Variants in WAPL observed in about 807,000 individuals in gnomAD.
WAPL encodes the protein WAPL cohesin release factor, also known as wings apart-like protein homolog.
WAPL carries 5 observed loss-of-function variants against 121.0 expected under a neutral mutation model. The observed-to-expected ratio is 0.04, with a 90% CI of 0.02 to 0.09. The LOEUF is 0.09. WAPL is among the 10% of genes least tolerant of loss of function. WAPL has a pLI of 1.00. For missense variants in WAPL, 999 were observed against 1,410.8 expected, an observed-to-expected ratio of 0.71 and a Z score of 4.68; for synonymous variants, 480 against 481.5, an observed-to-expected ratio of 1.00 and a Z score of 0.04.
intron 9 of WAPL, among the ~76,000 whole-genome samples, chr10:86,463,165 C>A (rs574390922): frequency 1.3e-5 from 2 of 152,348 alleles, no homozygotes; most frequent in African/African-American, 4.8e-5. Flanking sequence ...ATGGCTCACA[C>A]CTGTAATCCT....
At position 86,435,295 on chromosome 10, in the gene WAPL, T is replaced by C. The variant is rs1210986615; in HGVS notation, c.*2248A>G. On this transcript the variant is annotated 3_prime_UTR_variant, in exon 19 of 19. Coordinates refer to ENST00000298767, the MANE Select transcript of WAPL (RefSeq NM_015045.5). ...CAATTTTATTTGAGTTAAAATTATT[T>C]ACAAAAACCCAAAGACATACTTCAT... 1 of 152,654 alleles carries C rather than the reference T, an allele frequency of 6.6e-6. No homozygotes were observed. Among genetic ancestry groups the C allele is most frequent in the Non-Finnish European group, 1.5e-5 (1 of 68,028 alleles). 9.5% of individuals were successfully genotyped at this position (152,654 alleles called of 1,614,324 possible).
At chr10:86,441,148 A>G (rs1849461333) in intron 17 of WAPL, among the ~76,000 whole-genome samples, 1 of 152,120 alleles carries the variant, frequency 6.6e-6, no homozygotes, top group Admixed American at 6.5e-5. Flanking sequence ...TCTGCCTTCC[A>G]TTTCAAAATC....
In WAPL at chr10:86,500,494, T is replaced by A. The variant is rs755983854; in HGVS notation, c.749A>T (p.Asp250Val). ...ATCACTATCCAAACTTAAAATACAG[T>A]CTTCTGATCTGATATCTTCAAAATC... ...DNDFEDIRSE[D>V]CILSLDSDPL... is the part of the protein sequence containing the mutation. The change falls in exon 3 of 19, where the codon GAC becomes GTC. Residue 250 changes from aspartate (D) to valine (V), a missense_variant. Coordinates refer to ENST00000298767, the MANE Select transcript of WAPL (RefSeq NM_015045.5). 5.0e-6 allele frequency: 8 copies of A among 1,614,178 alleles called. No individual in the cohort carries two copies. Among genetic ancestry groups the A allele is most frequent in the Non-Finnish European group, 6.8e-6 (8 of 1,180,022 alleles).
At chr10:86,464,112 A>G (rs1841347307) in intron 9 of WAPL, among the ~76,000 whole-genome samples, 1 of 152,252 alleles carries the variant, frequency 6.6e-6, no homozygotes, top group Admixed American at 6.5e-5. Flanking sequence ...TATATTCAAG[A>G]AATTAAGCAA....
chr10:86,450,880 A>G (rs1840962148), intron 15 of WAPL, among the ~76,000 whole-genome samples: 2 of 152,222 alleles, frequency 1.3e-5, no homozygotes, highest in Admixed American at 6.5e-5. Context: ...CATAATAGAG[A>G]ACAAAAGAGG....
At chr10:86,456,533 T>C in intron 12 of WAPL, among the ~76,000 whole-genome samples, 1 of 152,056 alleles carries the variant, frequency 6.6e-6, no homozygotes, top group Non-Finnish European at 1.5e-5. Context: ...TTAATACAAA[T>C]CAAGTAAGCT....
Position 86,499,737 on chromosome 10 carries a change from C to T in WAPL, c.1506G>A (p.Gln502=). 1 of 1,584,020 alleles carries T rather than the reference C, an allele frequency of 6.3e-7. No homozygotes were observed. Among genetic ancestry groups the T allele is most frequent in the Non-Finnish European group, 8.5e-7 (1 of 1,170,500 alleles). ...TCTTACCTGCATTGTTAGTACCAGA[C>T]TGACTGTCCTGGGAATTATCATTGC... The part of the protein sequence containing the change: ...PESNDNSQDS[Q]SGTNNAENLD... Residue 502 remains glutamine (Q), a synonymous_variant, in exon 3 of 19, where the codon CAG becomes CAA. Transcript: ENST00000298767.
chr10:86,439,400 G>A (rs1896512), intron 17 of WAPL, among the ~76,000 whole-genome samples: 146,444 of 152,296 alleles, frequency 0.96, 70,557 homozygotes, highest in East Asian at 1. Flanking sequence ...AGAAAAGTAC[G>A]CCTCTGTAAT....
chr10:86,469,491 C>CA lies in WAPL; in HGVS notation c.2142+1500dup, dbSNP rs140010639. 5.4e-3 allele frequency among the ~76,000 whole-genome samples: 814 copies of CA among 151,934 alleles called. 7 individuals are homozygous for CA. The highest frequency in any genetic ancestry group is 0.019 in the African/African-American group (776 of 41,416). On this transcript the variant is annotated intron_variant, in intron 8 of 18. Coordinates refer to ENST00000298767, the MANE Select transcript of WAPL (RefSeq NM_015045.5). ...CTGGTCTCGAACTCCTAAACTCAGG[C>CA]AATCTGCCCACCTCAGCCTCCCAAA...
intron 10 of WAPL, 118 bp downstream of exon 10, chr10:86,461,058 A>C: frequency 1.2e-6 from 1 of 850,050 alleles, no homozygotes; most frequent in Non-Finnish European, 1.7e-6. Context: ...CAACTAAAAA[A>C]TAATAATGAT....
At chr10:86,518,269 C>A (rs1564593072) in intron 1 of WAPL, among the ~76,000 whole-genome samples, 178 bp from the exon 2 acceptor site, 1 of 152,148 alleles carries the variant, frequency 6.6e-6, no homozygotes, top group African/African-American at 2.4e-5. Flanking sequence ...ACCCTACATG[C>A]TTCCATGTCA....
chr10:86,517,686 G>T lies in WAPL; in HGVS notation c.384C>A (p.Val128=). The T allele has an allele frequency of 1.2e-6, 2 of 1,614,036 alleles. 1 individual carries two copies. The highest frequency in any genetic ancestry group is 2.2e-5 in the South Asian group (2 of 91,072). The change falls in exon 2 of 19, where the codon GTC becomes GTA. Residue 128 remains valine, a synonymous_variant. Coordinates refer to ENST00000298767, the MANE Select transcript of WAPL (RefSeq NM_015045.5). The part of the protein sequence containing the change: ...KISHVVVEDT[V]VSDKCFPLED... ...CCAAAGGGAAGCATTTATCAGAAAC[G>T]ACAGTGTCTTCAACGACCACATGAC... is the stretch of plus-strand genomic sequence containing the variant.
intron 4 of WAPL, among the ~76,000 whole-genome samples, chr10:86,495,613 C>A (rs1842134347): frequency 6.6e-6 from 1 of 152,168 alleles, no homozygotes; most frequent in African/African-American, 2.4e-5. Flanking sequence ...AACACTGGAT[C>A]TGGCAACAAT....
At chr10:86,494,307 G>GA (rs1842108341) in intron 4 of WAPL, among the ~76,000 whole-genome samples, 1 of 152,176 alleles carries the variant, frequency 6.6e-6, no homozygotes, top group African/African-American at 2.4e-5. Flanking sequence ...GTTGTATGGA[G>GA]AAAAAACCAC....
At chr10:86,467,784 C>G (rs1279339586) in intron 8 of WAPL, among the ~76,000 whole-genome samples, 1 of 150,850 alleles carries the variant, frequency 6.6e-6, no homozygotes, top group Middle Eastern at 3.2e-3. Context: ...TCAAGCGATT[C>G]TCCTGCCTCA....
chr10:86,473,607 T>C (rs527385896), intron 5 of WAPL, among the ~76,000 whole-genome samples: 1 of 152,312 alleles, frequency 6.6e-6, no homozygotes, highest in African/African-American at 2.4e-5. Flanking sequence ...CTAAATACTA[T>C]AAATTCCATG....
At chr10:86,508,130 T>C (rs778811468) in intron 2 of WAPL, among the ~76,000 whole-genome samples, 2 of 152,198 alleles carry the variant, frequency 1.3e-5, no homozygotes, top group Non-Finnish European at 2.9e-5. Context: ...GCCTCAATAA[T>C]GTCCAGAAAT....
intron 2 of WAPL, among the ~76,000 whole-genome samples, chr10:86,503,197 C>T (rs1417768464): frequency 2.7e-5 from 4 of 150,686 alleles, no homozygotes; most frequent in African/African-American, 4.9e-5. Context: ...TGGCTGGGCG[C>T]GGGGGCTCAC....
In WAPL at chr10:86,453,127, T is replaced by C. The variant is rs921514018; in HGVS notation, c.2949+93A>G. 1.9e-5 allele frequency: 16 copies of C among 832,380 alleles called. No homozygotes were observed. In the African/African-American group the frequency reaches 2.1e-4, roughly 11 times the overall value. 51.6% of individuals were successfully genotyped at this position (832,380 alleles called of 1,614,324 possible). A position where few individuals can be genotyped will look rare whatever the true frequency, so the allele number is the denominator to read the frequency against. On this transcript the variant is annotated intron_variant, in intron 14 of 18. Coordinates refer to ENST00000298767, the MANE Select transcript of WAPL (RefSeq NM_015045.5). ...TCATGAAAAAAAACCCACAATATAT[T>C]AAAGGGTTGGTTCTTAAACCCAAAC... is the stretch of plus-strand genomic sequence containing the variant.
Sources: allele counts gnomAD v4.1 joint callset (sites outside exome capture counted in the v4.1 genomes callset), GRCh38; gene constraint gnomAD v4.1.1; transcripts MANE v1.5; gene names NCBI Gene and HGNC (gene_info 2026-07-23, HGNC 2026-07-21).